Variants in IP6K1 observed in about 807,000 individuals in gnomAD.
IP6K1 encodes ATP:1D-myo-inositol-hexakisphosphate phosphotransferase.
IP6K1 carries 13 observed loss-of-function variants against 38.3 expected under a neutral mutation model. That is an observed-to-expected ratio of 0.34 (90% CI 0.22 to 0.54). The LOEUF is 0.54. Among genes scored for constraint, IP6K1 ranks in the 20% least tolerant of loss-of-function variants. The probability of loss-of-function intolerance (pLI) is 0.92; values close to 1 mark genes in which losing one functional copy is unlikely to be tolerated. For synonymous variants in IP6K1, 212 were observed against 229.9 expected (o/e 0.92, Z 0.70); for missense variants, 397 against 599.8 (o/e 0.66, Z 3.53).
chr3:49,786,312 C>G (rs374693442), intron 1 of IP6K1, 42 bp downstream of exon 1: 1 of 152,348 alleles, frequency 6.6e-6, no homozygotes, highest in Admixed American at 6.5e-5. Flanking sequence ...GCCCTCCCCG[C>G]GGGCGTCAGG....
At position 49,772,272 on chromosome 3, in the gene IP6K1, AAT is replaced by A. The variant is rs540810678; in HGVS notation, c.-129+14080_-129+14081del. ...GTGTGTGTGTAACACATATATATGT[AAT>A]ATATATGTTATATAGTCTTCCTTTT... On this transcript the variant is annotated intron_variant, in intron 1 of 5. Transcript: ENST00000321599. Among the ~76,000 whole-genome samples the A allele has an allele frequency of 1.9e-3, 278 of 147,864 alleles. 2 individuals are homozygous for A. The highest frequency in any genetic ancestry group is 6.1e-3 in the African/African-American group (250 of 40,752).
At chr3:49,748,528 G>A (rs748982629) in intron 1 of IP6K1, among the ~76,000 whole-genome samples, 16 of 152,166 alleles carry the variant, frequency 1.1e-4, no homozygotes, top group Non-Finnish European at 2.4e-4. Flanking sequence ...AAAAACAGAA[G>A]GCAATGGGAA....
At chr3:49,741,830 TCTC>T (rs962676262) in intron 2 of IP6K1, among the ~76,000 whole-genome samples, 1 of 152,202 alleles carries the variant, frequency 6.6e-6, no homozygotes, top group African/African-American at 2.4e-5. Context: ...AGATAGGTGT[TCTC>T]TAAATTACAA....
At chr3:49,733,256 CAAA>C (rs35825980) in intron 3 of IP6K1, among the ~76,000 whole-genome samples, 40,882 of 152,056 alleles carry the variant, frequency 0.27, 5,730 homozygotes, top group Non-Finnish European at 0.31. Flanking sequence ...TGGCTACAAT[CAAA>C]GAAGAAAGTG....
At chr3:49,781,732 A>G (rs2081067499) in intron 1 of IP6K1, among the ~76,000 whole-genome samples, 1 of 152,100 alleles carries the variant, frequency 6.6e-6, no homozygotes, top group East Asian at 1.9e-4. Context: ...TCATCCCATA[A>G]GCCTGTAGCA....
chr3:49,731,135 T>G (rs891998915), intron 4 of IP6K1, among the ~76,000 whole-genome samples: 3 of 151,886 alleles, frequency 2.0e-5, no homozygotes, highest in Admixed American at 2.0e-4. Context: ...TTAATAGTTC[T>G]ATAACCTTCT....
intron 4 of IP6K1, among the ~76,000 whole-genome samples, chr3:49,731,469 A>C (rs1318464903): frequency 6.6e-6 from 1 of 152,158 alleles, no homozygotes; most frequent in South Asian, 2.1e-4. Context: ...AATATGGAGG[A>C]GGCTGCAGAA....
Position 49,731,907 on chromosome 3 carries a change from G to GAAAAAAAAAAAAAA in IP6K1, c.616+883_616+884insTTTTTTTTTTTTTT, listed in dbSNP as rs1277207284. On this transcript the variant is annotated intron_variant, in intron 4 of 5. Coordinates refer to ENST00000321599, the MANE Select transcript of IP6K1 (RefSeq NM_153273.4). Reference sequence around the variant, plus strand: ...TGTCTCAAAAAAAAAAAAAAAAAAGGAATTCCTATGCCATAATACTTTTTT... The same window carrying GAAAAAAAAAAAAAA: ...TGTCTCAAAAAAAAAAAAAAAAAAGGAAAAAAAAAAAAAAAATTCCTATGCCATAATACTTTTTT... 1.3e-3 allele frequency among the ~76,000 whole-genome samples: 88 copies of GAAAAAAAAAAAAAA among 69,076 alleles called. 4 individuals are homozygous for GAAAAAAAAAAAAAA. The highest frequency in any genetic ancestry group is 2.5e-3 in the Non-Finnish European group (78 of 31,656). 45.3% of individuals were successfully genotyped at this position (69,076 alleles called of 152,430 possible).
At chr3:49,764,724 C>T (rs369968119) in intron 1 of IP6K1, among the ~76,000 whole-genome samples, 1 of 151,890 alleles carries the variant, frequency 6.6e-6, no homozygotes, top group Non-Finnish European at 1.5e-5. Flanking sequence ...ACTACAAATA[C>T]AAAAATTAGC....
intron 2 of IP6K1, among the ~76,000 whole-genome samples, chr3:49,744,060 A>C (rs927600312): frequency 1.9e-4 from 29 of 152,182 alleles, no homozygotes; most frequent in African/African-American, 6.7e-4. Context: ...TGTCTGCCTA[A>C]TGGTGACTTC....
At chr3:49,734,770 A>T (rs1248126568) in intron 3 of IP6K1, among the ~76,000 whole-genome samples, 1 of 152,072 alleles carries the variant, frequency 6.6e-6, no homozygotes, top group Non-Finnish European at 1.5e-5. Flanking sequence ...TGCCATGTAA[A>T]CCCAAAGAAG....
At chr3:49,782,786 A>T (rs960475676) in intron 1 of IP6K1, among the ~76,000 whole-genome samples, 1 of 151,466 alleles carries the variant, frequency 6.6e-6, no homozygotes, top group African/African-American at 2.4e-5. Flanking sequence ...ACTCCAGCCT[A>T]GGAGGTTTTT....
chr3:49,727,318 C>T lies in IP6K1; in HGVS notation c.1130G>A (p.Ser377Asn), dbSNP rs746567803. The T allele has an allele frequency of 6.2e-7, 1 of 1,614,126 alleles. No homozygotes were observed. Reference sequence around the variant, plus strand: ...CGCCTCGGGGCTGGTGTTGCTGGGGCTGGTGCTGGGGCCACAGGATGACGC... The same window carrying T: ...CGCCTCGGGGCTGGTGTTGCTGGGGTTGGTGCTGGGGCCACAGGATGACGC... Reference protein sequence around the residue: ...EVASSCGPSTSPSNTSPEAGP... With the variant: ...EVASSCGPSTNPSNTSPEAGP... Residue 377 changes from serine (S) to asparagine (N), a missense_variant, in exon 6 of 6, where the codon AGC (serine) becomes AAC (asparagine). Coordinates refer to ENST00000321599, the MANE Select transcript of IP6K1 (RefSeq NM_153273.4). The surrounding 1 kb of genome is among the most constrained non-coding windows in gnomAD (Gnocchi z 5.9).
chr3:49,728,369 T>C, intron 4 of IP6K1, 91 bp from the exon 5 acceptor site: 2 of 1,239,008 alleles, frequency 1.6e-6, no homozygotes, highest in East Asian at 4.8e-5. Context: ...AGGGGGCTTT[T>C]ACCTAATGCA....
intron 1 of IP6K1, among the ~76,000 whole-genome samples, chr3:49,748,630 C>A (rs1004108615): frequency 1.3e-5 from 2 of 152,194 alleles, no homozygotes; most frequent in African/African-American, 4.8e-5. Flanking sequence ...AATTAGGTCA[C>A]ATGAGATTCC....
At chr3:49,734,572 T>G (rs2080590586) in intron 3 of IP6K1, among the ~76,000 whole-genome samples, 1 of 129,124 alleles carries the variant, frequency 7.7e-6, no homozygotes, top group African/African-American at 2.7e-5. Context: ...TCTCCAAGGG[T>G]CAGCTGTGCA....
At chr3:49,782,073 C>T (rs1439040038) in intron 1 of IP6K1, among the ~76,000 whole-genome samples, 1 of 151,284 alleles carries the variant, frequency 6.6e-6, no homozygotes, top group Non-Finnish European at 1.5e-5. Flanking sequence ...AGCTGGGCAA[C>T]AGAGTAAGAC....
At chr3:49,785,279 G>GT (rs1046939155) in intron 1 of IP6K1, among the ~76,000 whole-genome samples, 7 of 151,906 alleles carry the variant, frequency 4.6e-5, no homozygotes, top group African/African-American at 1.7e-4. Flanking sequence ...AGGCCAAGGG[G>GT]GGTGGATCAC....
At chr3:49,740,001 AAAAAATAAAAT>A (rs960607681) in intron 2 of IP6K1, among the ~76,000 whole-genome samples, 2 of 151,972 alleles carry the variant, frequency 1.3e-5, no homozygotes, top group Non-Finnish European at 2.9e-5. Context: ...CTCCATCTCA[AAAAAATAAAAT>A]AAAAATAAAA....
Sources: gnomAD v4.1 joint callset for allele counts (sites outside exome capture counted in the v4.1 genomes callset) on GRCh38, gnomAD v4.1.1 for gene constraint, Gnocchi (gnomAD v3.1) non-coding constraint, MANE v1.5 for transcripts, NCBI Gene and HGNC (gene_info 2026-07-23, HGNC 2026-07-21) for gene names.